Variants in CADM1 observed in about 807,000 individuals in gnomAD.
CADM1 encodes the protein TSLC-1.
A neutral mutation model predicts 53.1 loss-of-function variants in CADM1; 15 were observed. The observed-to-expected ratio is 0.28, with a 90% CI of 0.19 to 0.44. The LOEUF is 0.44. CADM1 is among the 20% of genes least tolerant of loss of function. The probability of loss-of-function intolerance (pLI) is 1.00; values close to 1 mark genes in which losing one functional copy is unlikely to be tolerated. For synonymous variants in CADM1, 281 were observed against 243.0 expected (o/e 1.16, Z -1.45); for missense variants, 434 against 611.3 (o/e 0.71, Z 3.06).
chr11:115,213,149 A>C (rs1275873302), intron 7 of CADM1, among the ~76,000 whole-genome samples: 1 of 152,208 alleles, frequency 6.6e-6, no homozygotes, highest in African/African-American at 2.4e-5. Flanking sequence ...GGGCAACAGC[A>C]ATGTCGGGGA....
chr11:115,240,123 A>G (rs79162361), intron 2 of CADM1, 151 bp downstream of exon 2: 15 of 712,570 alleles, frequency 2.1e-5, no homozygotes, highest in Non-Finnish European at 3.3e-5. Context: ...TAGAAAGATT[A>G]TGATTGCCTG....
chr11:115,242,806 A>G (rs944807233), intron 1 of CADM1, among the ~76,000 whole-genome samples: 1 of 152,208 alleles, frequency 6.6e-6, no homozygotes, highest in Non-Finnish European at 1.5e-5. Context: ...AAGGCCTTAC[A>G]AATCCTGACT....
intron 10 of CADM1, among the ~76,000 whole-genome samples, chr11:115,181,890 G>C (rs142782154): frequency 7.2e-5 from 11 of 152,326 alleles, no homozygotes; most frequent in African/African-American, 2.2e-4. Context: ...TGCTGCCCAG[G>C]GGGGAACTGG....
intron 5 of CADM1, among the ~76,000 whole-genome samples, chr11:115,225,361 T>C (rs1941568198): frequency 6.6e-6 from 1 of 152,136 alleles, no homozygotes; most frequent in Non-Finnish European, 1.5e-5. Flanking sequence ...AACACCTTGC[T>C]GAACAAAACA....
intron 1 of CADM1, among the ~76,000 whole-genome samples, chr11:115,473,943 G>C (rs2135396604): frequency 6.6e-6 from 1 of 152,182 alleles, no homozygotes; most frequent in Admixed American, 6.5e-5. Context: ...TCTCATGAAA[G>C]GCTTATACCC....
chr11:115,242,665 C>T (rs1368441916), intron 1 of CADM1, among the ~76,000 whole-genome samples: 3 of 152,228 alleles, frequency 2.0e-5, no homozygotes, highest in African/African-American at 4.8e-5. Flanking sequence ...ATACCAAACA[C>T]GGTCTTACTG....
At chr11:115,187,807 C>T (rs2134628730) in intron 10 of CADM1, among the ~76,000 whole-genome samples, 1 of 152,258 alleles carries the variant, frequency 6.6e-6, no homozygotes, top group East Asian at 1.9e-4. Flanking sequence ...AGTTGGTTCA[C>T]CTAGATTCTT....
chr11:115,428,622 C>T (rs975092894), intron 1 of CADM1, among the ~76,000 whole-genome samples: 1 of 152,080 alleles, frequency 6.6e-6, no homozygotes, highest in East Asian at 1.9e-4. Context: ...AGTCTAGAAG[C>T]CTTGCAATTG....
chr11:115,242,333 T>C lies in CADM1; in HGVS notation c.125-1913A>G, dbSNP rs530550841. On this transcript the variant is annotated intron_variant, in intron 1 of 11. Transcript: ENST00000331581. ...GAATAACAACAAAGAGAAAAGGTGATCAGAAAAAAAAAAAAAAAAAAATGA... is the reference window on the plus strand; with the variant it reads ...GAATAACAACAAAGAGAAAAGGTGACCAGAAAAAAAAAAAAAAAAAAATGA... 1.8e-4 allele frequency among the ~76,000 whole-genome samples: 20 copies of C among 109,744 alleles called. No homozygotes were observed. The East Asian group carries it at 5.3e-3, about 29-fold the overall frequency. The allele number at this position is 109,744 out of a possible 152,430, so 72.0% of individuals were successfully genotyped here.
chr11:115,396,866 G>A (rs1344380293), intron 1 of CADM1: 5 of 150,636 alleles, frequency 3.3e-5, no homozygotes, highest in Non-Finnish European at 1.5e-5. Flanking sequence ...TTTTTTTGAA[G>A]TTTGCCCCAG....
chr11:115,385,906 C>G (rs1946689085), intron 1 of CADM1, among the ~76,000 whole-genome samples: 1 of 152,206 alleles, frequency 6.6e-6, no homozygotes, highest in South Asian at 2.1e-4. Flanking sequence ...CTCTACCTTT[C>G]TAGTATCTTT....
At chr11:115,495,302 G>A (rs1480447851) in intron 1 of CADM1, among the ~76,000 whole-genome samples, 1 of 152,138 alleles carries the variant, frequency 6.6e-6, no homozygotes, top group Admixed American at 6.6e-5. Context: ...TCAGCAAAGA[G>A]CCAAATAAAT....
intron 1 of CADM1, among the ~76,000 whole-genome samples, chr11:115,306,309 C>T (rs1944373236): frequency 6.6e-6 from 1 of 151,900 alleles, no homozygotes; most frequent in African/African-American, 2.4e-5. Flanking sequence ...GAGCAATAGG[C>T]CATACTATAA....
intron 1 of CADM1, among the ~76,000 whole-genome samples, chr11:115,390,755 A>T (rs1418480607): frequency 6.6e-6 from 1 of 152,038 alleles, no homozygotes; most frequent in Non-Finnish European, 1.5e-5. Context: ...TTTCTAGATT[A>T]AACAATTATT....
intron 1 of CADM1, among the ~76,000 whole-genome samples, chr11:115,335,152 C>T (rs772381441): frequency 1.3e-5 from 2 of 152,056 alleles, no homozygotes; most frequent in Non-Finnish European, 2.9e-5. Context: ...AATTTTACCA[C>T]GTCAGGGGTG....
intron 1 of CADM1, among the ~76,000 whole-genome samples, chr11:115,279,065 A>T (rs1056253919): frequency 2.6e-5 from 4 of 152,180 alleles, no homozygotes; most frequent in Admixed American, 1.3e-4. Context: ...GGAATCACCC[A>T]AATCAAGATG....
intron 5 of CADM1, among the ~76,000 whole-genome samples, chr11:115,226,825 A>ATT (rs1941627704): frequency 1.3e-5 from 2 of 152,172 alleles, no homozygotes; most frequent in Admixed American, 1.3e-4. Context: ...GCTGGTAGGA[A>ATT]ATGATGTAGA....
chr11:115,378,669 T>C (rs906668154), intron 1 of CADM1, among the ~76,000 whole-genome samples: 11 of 152,220 alleles, frequency 7.2e-5, no homozygotes, highest in African/African-American at 2.7e-4. Context: ...GAAAAAATTC[T>C]TAAGAATATA....
chr11:115,405,962 T>G (rs1947302488), intron 1 of CADM1, among the ~76,000 whole-genome samples: 1 of 152,186 alleles, frequency 6.6e-6, no homozygotes, highest in Non-Finnish European at 1.5e-5. Context: ...GTGACAAAGC[T>G]AGGCGTGGTT....
Sources: allele counts gnomAD v4.1 joint callset (sites outside exome capture counted in the v4.1 genomes callset), GRCh38; gene constraint gnomAD v4.1.1; transcripts MANE v1.5; gene names NCBI Gene and HGNC (gene_info 2026-07-23, HGNC 2026-07-21).